The following COBL variants were observed in gnomAD, a reference collection of about 807,000 sequenced individuals.
COBL encodes protein cordon-bleu.
A neutral mutation model predicts 98.8 loss-of-function variants in COBL; 51 were observed. The observed-to-expected ratio is 0.52, with a 90% CI of 0.41 to 0.65. COBL has a LOEUF of 0.65. Among genes scored for constraint, COBL ranks in the 30% least tolerant of loss-of-function variants. The pLI is 0.00. For synonymous variants in COBL, 634 were observed against 651.7 expected, an observed-to-expected ratio of 0.97 and a Z score of 0.41; for missense variants, 1,617 against 1,617.5, an observed-to-expected ratio of 1.00 and a Z score of 0.01.
intron 6 of COBL, among the ~76,000 whole-genome samples, chr7:51,110,880 T>C (rs543139601): frequency 3.9e-5 from 6 of 152,386 alleles, no homozygotes; most frequent in South Asian, 4.1e-4. Context: ...TTCCTTTTTA[T>C]GACTGCATAG....
intron 6 of COBL, among the ~76,000 whole-genome samples, chr7:51,128,251 C>G (rs954308358): frequency 1.3e-5 from 2 of 152,190 alleles, no homozygotes; most frequent in Non-Finnish European, 2.9e-5. Flanking sequence ...GTTTCCACAA[C>G]TCAGATAACA....
At chr7:51,255,061 C>T (rs1447841752) in intron 1 of COBL, among the ~76,000 whole-genome samples, 2 of 152,208 alleles carry the variant, frequency 1.3e-5, no homozygotes, top group Admixed American at 6.5e-5. Context: ...CTAAGTCACA[C>T]TAAACACTAA....
chr7:51,244,412 C>A (rs146611102), intron 1 of COBL, among the ~76,000 whole-genome samples: 3 of 152,236 alleles, frequency 2.0e-5, no homozygotes, highest in Admixed American at 6.5e-5. Flanking sequence ...TTCAATCACA[C>A]GGCCTTCTTT....
intron 6 of COBL, among the ~76,000 whole-genome samples, chr7:51,135,228 G>T (rs886592314): frequency 2.0e-5 from 3 of 152,184 alleles, no homozygotes; most frequent in Non-Finnish European, 2.9e-5. Flanking sequence ...CTCCCAAAGC[G>T]CCGGGATTAC....
chr7:51,170,120 T>C lies in COBL; in HGVS notation c.783+13982A>G, dbSNP rs550066281. Reference sequence around the variant, plus strand: ...ATATCTTCTGCTAGTATTTATATGGTTTCCATTTGCACACTTAGATTTCTG... The same window carrying C: ...ATATCTTCTGCTAGTATTTATATGGCTTCCATTTGCACACTTAGATTTCTG... On this transcript the variant is annotated intron_variant, in intron 5 of 12. Coordinates refer to ENST00000265136, the MANE Select transcript of COBL (RefSeq NM_015198.5). 1.8e-4 allele frequency among the ~76,000 whole-genome samples: 27 copies of C among 152,296 alleles called. 1 individual carries two copies. Among genetic ancestry groups the C allele is most frequent in the South Asian group, 1.2e-3 (6 of 4,824 alleles).
At chr7:51,065,135 G>GT (rs1791774657) in intron 7 of COBL, 1 of 698,958 alleles carries the variant, frequency 1.4e-6, no homozygotes, top group East Asian at 2.7e-5. Context: ...AAAAACAAGT[G>GT]TTAGCTGATT....
intron 1 of COBL, among the ~76,000 whole-genome samples, chr7:51,310,024 T>C (rs987564546): frequency 6.6e-6 from 1 of 152,146 alleles, no homozygotes; most frequent in African/African-American, 2.4e-5. Context: ...AGACCCCAGG[T>C]GAGGCCTGGG....
intron 6 of COBL, among the ~76,000 whole-genome samples, chr7:51,115,354 GGAATCTTAA>G (rs1400720290): frequency 6.6e-6 from 1 of 151,588 alleles, no homozygotes; most frequent in East Asian, 1.9e-4. Flanking sequence ...ATCTTAAGAT[GGAATCTTAA>G]GTCTTTGATT....
intron 5 of COBL, among the ~76,000 whole-genome samples, chr7:51,144,018 A>G (rs751105234): frequency 9.9e-5 from 15 of 152,158 alleles, no homozygotes; most frequent in Non-Finnish European, 2.1e-4. Context: ...AAATAGAACT[A>G]TTTTTCAAGT....
At chr7:51,161,022 A>G (rs1786746935) in intron 5 of COBL, among the ~76,000 whole-genome samples, 1 of 152,240 alleles carries the variant, frequency 6.6e-6, no homozygotes, top group South Asian at 2.1e-4. Context: ...GGTACAAGCT[A>G]AATTTTAAAA....
At chr7:51,238,515 C>T (rs1795480916) in intron 1 of COBL, among the ~76,000 whole-genome samples, 2 of 152,126 alleles carry the variant, frequency 1.3e-5, no homozygotes, top group South Asian at 2.1e-4. Context: ...ACTCTTTGTC[C>T]GCCAGCCCTA....
rs538546243 is a variant in COBL at position 51,055,669 on chromosome 7, T to TGCCG, written c.1097-11981_1097-11978dup. 2.1e-4 allele frequency among the ~76,000 whole-genome samples: 32 copies of TGCCG among 152,302 alleles called. 1 individual carries two copies. The highest frequency in any genetic ancestry group is 7.7e-4 in the African/African-American group (32 of 41,586). On this transcript the variant is annotated intron_variant, in intron 7 of 12. Coordinates refer to ENST00000265136, the MANE Select transcript of COBL (RefSeq NM_015198.5). Reference sequence around the variant, plus strand: ...GGTGCATGTTCCCAGGTGTTGCTGCTGCCGGCCGGCCGGCCTGGGCGACAC... The same window carrying TGCCG: ...GGTGCATGTTCCCAGGTGTTGCTGCTGCCGGCCGGCCGGCCGGCCTGGGCGACAC...
chr7:51,236,124 C>G (rs1354722399), intron 1 of COBL, among the ~76,000 whole-genome samples: 1 of 152,188 alleles, frequency 6.6e-6, no homozygotes, highest in African/African-American at 2.4e-5. Context: ...TACCAACATA[C>G]CAAGCCTCTG....
intron 6 of COBL, among the ~76,000 whole-genome samples, chr7:51,103,406 C>G (rs747719970): frequency 1.4e-4 from 22 of 151,970 alleles, no homozygotes; most frequent in Non-Finnish European, 5.9e-5. Context: ...AATATTTTCC[C>G]TAGTTTGTCA....
chr7:51,294,044 A>C (rs1281481720), intron 1 of COBL, among the ~76,000 whole-genome samples: 2 of 152,186 alleles, frequency 1.3e-5, no homozygotes, highest in Non-Finnish European at 2.9e-5. Flanking sequence ...TAATCTCAGC[A>C]CTTTGGGAGG....
At chr7:51,073,769 G>GT (rs1457171102) in intron 7 of COBL, among the ~76,000 whole-genome samples, 1 of 152,186 alleles carries the variant, frequency 6.6e-6, no homozygotes, top group Non-Finnish European at 1.5e-5. Context: ...AACAGTCTAA[G>GT]TTACTTGTAG....
intron 5 of COBL, among the ~76,000 whole-genome samples, chr7:51,154,976 CTT>C (rs1218599632): frequency 6.6e-6 from 1 of 152,200 alleles, no homozygotes; most frequent in Non-Finnish European, 1.5e-5. Context: ...AGTTCCTACT[CTT>C]GTTTCCAGGC....
intron 1 of COBL, among the ~76,000 whole-genome samples, chr7:51,290,904 T>C (rs1800834573): frequency 6.6e-6 from 1 of 152,050 alleles, no homozygotes; most frequent in Admixed American, 6.5e-5. Flanking sequence ...GTGTCTGCCA[T>C]AGCAACACCA....
At chr7:51,063,452 G>A (rs1791592034) in intron 7 of COBL, among the ~76,000 whole-genome samples, 1 of 152,172 alleles carries the variant, frequency 6.6e-6, no homozygotes, top group Non-Finnish European at 1.5e-5. Context: ...TTCTTTAAGG[G>A]TTGTGCAGTA....
Sources: gnomAD v4.1 joint callset for allele counts (sites outside exome capture counted in the v4.1 genomes callset) on GRCh38, gnomAD v4.1.1 for gene constraint, MANE v1.5 for transcripts, NCBI Gene and HGNC (gene_info 2026-07-23, HGNC 2026-07-21) for gene names.